KIAA0586: variants seen among roughly 807,000 people sequenced by gnomAD.
KIAA0586 encodes the protein protein TALPID3.
In KIAA0586, 144 loss-of-function variants were observed where a neutral mutation model predicts 169.8. The observed-to-expected ratio is 0.85, with a 90% CI of 0.74 to 0.97. The LOEUF is 0.97. Among genes scored for constraint, KIAA0586 ranks in the 50% least tolerant of loss-of-function variants. The pLI is 0.00. For synonymous variants in KIAA0586, 625 were observed against 612.4 expected (o/e 1.02, Z -0.30); for missense variants, 1,854 against 1,823.0 (o/e 1.02, Z -0.31).
chr14:58,522,882 G>A (rs2045323890), intron 29 of KIAA0586, among the ~76,000 whole-genome samples: 1 of 152,134 alleles, frequency 6.6e-6, no homozygotes, highest in South Asian at 2.1e-4. Flanking sequence ...TTTTATGTGA[G>A]GATGTTTGGA....
At chr14:58,473,138 G>C (rs1380270061) in intron 18 of KIAA0586, among the ~76,000 whole-genome samples, 2 of 151,574 alleles carry the variant, frequency 1.3e-5, no homozygotes, top group Non-Finnish European at 2.9e-5. Context: ...CCATTTATAA[G>C]CTGTGGACTT....
chr14:58,539,651 A>G (rs1325184421), intron 29 of KIAA0586, among the ~76,000 whole-genome samples: 1 of 152,052 alleles, frequency 6.6e-6, no homozygotes, highest in Non-Finnish European at 1.5e-5. Flanking sequence ...TACGGATTGT[A>G]TTGAGTAATA....
chr14:58,512,649 TA>T (rs1353024494), intron 29 of KIAA0586, 22 bp downstream of exon 29: 13 of 1,211,252 alleles, frequency 1.1e-5, no homozygotes, highest in Non-Finnish European at 1.5e-5. Flanking sequence ...TTTTATGTAA[TA>T]ATACAATAGT....
At chr14:58,509,419 G>T (rs530433538) in intron 28 of KIAA0586, among the ~76,000 whole-genome samples, 2 of 152,176 alleles carry the variant, frequency 1.3e-5, no homozygotes, top group South Asian at 4.2e-4. Context: ...TAATGCTGAG[G>T]TAAGCCAATG....
intron 4 of KIAA0586, among the ~76,000 whole-genome samples, chr14:58,439,137 A>T (rs143396654): frequency 2.6e-5 from 4 of 152,172 alleles, no homozygotes; most frequent in African/African-American, 9.6e-5. Flanking sequence ...AAATAGTTCT[A>T]TGACAGTGAT....
intron 30 of KIAA0586, among the ~76,000 whole-genome samples, chr14:58,545,281 T>C (rs758717138): frequency 2.0e-5 from 3 of 152,212 alleles, no homozygotes; most frequent in Non-Finnish European, 4.4e-5. Context: ...CTGCAAGAAA[T>C]GCTTACAGTG....
Position 58,521,683 on chromosome 14 carries a change from A to G in KIAA0586, c.4429+9056A>G. On this transcript the variant is annotated intron_variant, in intron 29 of 30. Transcript: ENST00000652326. ...CCATTAAGAAGGAATTGACCCAGAT[A>G]AAACAAAAAGTGGATTCTCTCTTAG... is the stretch of plus-strand genomic sequence containing the variant. 4.2e-6 allele frequency: 4 copies of G among 948,428 alleles called. No homozygotes were observed. The South Asian group carries it at 5.1e-5, about 12-fold the overall frequency. 58.8% of individuals were successfully genotyped at this position (948,428 alleles called of 1,614,324 possible).
At chr14:58,480,525 G>A (rs1002557007) in intron 20 of KIAA0586, among the ~76,000 whole-genome samples, 3 of 152,044 alleles carry the variant, frequency 2.0e-5, no homozygotes, top group African/African-American at 4.8e-5. Flanking sequence ...TATTTGGGCC[G>A]ACAACTTGCA....
At chr14:58,556,904 C>T in the KIAA0586 span, among the ~76,000 whole-genome samples, 4 of 152,090 alleles carry the variant, frequency 2.6e-5, no homozygotes, top group African/African-American at 9.7e-5. Context: ...TGCCACCACG[C>T]CCGGCTAATT....
chr14:58,551,488 G>T (rs1025547742), downstream of KIAA0586, among the ~76,000 whole-genome samples: 2 of 151,928 alleles, frequency 1.3e-5, no homozygotes, highest in Non-Finnish European at 2.9e-5. Flanking sequence ...CTGGCAGGGC[G>T]CAGTGGTTCA....
chr14:58,488,932 A>G, intron 24 of KIAA0586, 58 bp downstream of exon 24: 5 of 1,507,166 alleles, frequency 3.3e-6, no homozygotes, highest in South Asian at 2.5e-5. Flanking sequence ...TCCCTAAGTA[A>G]TACTTTTCTA....
At chr14:58,521,995 C>G in intron 29 of KIAA0586, 2 of 1,304,722 alleles carry the variant, frequency 1.5e-6, no homozygotes, top group Middle Eastern at 5.2e-4. Flanking sequence ...CTCTTAAGCA[C>G]ATAGTGGGGT....
intron 21 of KIAA0586, among the ~76,000 whole-genome samples, chr14:58,484,888 A>ATTTATATATATATATTTATATATATT (rs1555391459): frequency 0.11 from 1,989 of 18,422 alleles, 688 homozygotes; most frequent in Admixed American, 0.16. Context: ...TTATATATAT[A>ATTTATATATATATATTTATATATATT]TTTATATATA....
intron 27 of KIAA0586, among the ~76,000 whole-genome samples, chr14:58,503,543 T>A (rs1370859348): frequency 6.6e-6 from 1 of 152,164 alleles, no homozygotes; most frequent in African/African-American, 2.4e-5. Context: ...TGAAACTTGG[T>A]AAGGCCCTGT....
chr14:58,444,090 A>C lies in KIAA0586; in HGVS notation c.722A>C (p.His241Pro). The change falls in exon 6 of 31, where the codon CAT becomes CCT. Residue 241 changes from histidine (H) to proline (P), a missense_variant. His to Pro is a moderately conservative substitution (Grantham distance 77). Coordinates refer to ENST00000652326, the MANE Select transcript of KIAA0586 (RefSeq NM_001329943.3). ...IQRKQEKLHCHDHEKQMNVFM... is the reference protein window; with the variant it reads ...IQRKQEKLHCPDHEKQMNVFM... ...AGGAAACAAGAGAAATTACATTGTCATGATCACGAAAAGCAAATGAATGTG... is the reference window on the plus strand; with the variant it reads ...AGGAAACAAGAGAAATTACATTGTCCTGATCACGAAAAGCAAATGAATGTG... The C allele has an allele frequency of 6.2e-7, 1 of 1,613,792 alleles. No homozygotes were observed. Among genetic ancestry groups the C allele is most frequent in the Non-Finnish European group, 8.5e-7 (1 of 1,179,762 alleles).
downstream of KIAA0586, among the ~76,000 whole-genome samples, chr14:58,552,031 C>T (rs891003475): frequency 6.6e-6 from 1 of 152,132 alleles, no homozygotes; most frequent in Non-Finnish European, 1.5e-5. Context: ...TGGGCAGTCA[C>T]CTCAGGATTT....
At chr14:58,494,418 GT>G (rs547249989) in intron 26 of KIAA0586, among the ~76,000 whole-genome samples, 11 of 139,724 alleles carry the variant, frequency 7.9e-5, no homozygotes, top group East Asian at 4.2e-4. Flanking sequence ...TTTGTTGTCT[GT>G]TTTTTTTTTC....
At chr14:58,456,184 G>T (rs369854451) in intron 9 of KIAA0586, among the ~76,000 whole-genome samples, 1 of 152,092 alleles carries the variant, frequency 6.6e-6, no homozygotes, top group Admixed American at 6.6e-5. Flanking sequence ...TTTCGAGGCC[G>T]CCACAGAGTT....
At chr14:58,537,757 C>T (rs998000990) in intron 29 of KIAA0586, among the ~76,000 whole-genome samples, 8 of 152,010 alleles carry the variant, frequency 5.3e-5, no homozygotes, top group African/African-American at 1.7e-4. Flanking sequence ...ACGCCATTCT[C>T]CTGCCTCAGC....
Sources: gnomAD v4.1 joint callset for allele counts (sites outside exome capture counted in the v4.1 genomes callset) on GRCh38, gnomAD v4.1.1 for gene constraint, MANE v1.5 for transcripts, NCBI Gene and HGNC (gene_info 2026-07-23, HGNC 2026-07-21) for gene names.